CRY2: variants seen among roughly 807,000 people sequenced by gnomAD.
CRY2 encodes the protein cryptochrome-2.
A neutral mutation model predicts 69.5 loss-of-function variants in CRY2; 31 were observed. The observed-to-expected ratio is 0.45, with a 90% CI of 0.34 to 0.60. The LOEUF is 0.60. Ranked by LOEUF, CRY2 falls within the 20% of genes least tolerant of loss-of-function variation. The pLI, the probability that CRY2 is intolerant of heterozygous loss-of-function variation, is 0.02. For synonymous variants in CRY2, 303 were observed against 312.2 expected, an observed-to-expected ratio of 0.97 and a Z score of 0.31; for missense variants, 606 against 797.8, an observed-to-expected ratio of 0.76 and a Z score of 2.90.
chr11:45,871,535 G>A (rs754063061), intron 10 of CRY2, among the ~76,000 whole-genome samples: 2 of 152,224 alleles, frequency 1.3e-5, no homozygotes, highest in African/African-American at 2.4e-5. Context: ...ATTGGACAGT[G>A]TAGGCCGGAG....
upstream of CRY2, chr11:45,847,280 T>A (rs1232493129): frequency 4.5e-6 from 7 of 1,538,526 alleles, no homozygotes; most frequent in South Asian, 2.4e-5. Flanking sequence ...GACCCACACA[T>A]GGTAGGAACG....
Position 45,870,375 on chromosome 11 carries a change from T to C in CRY2, c.1392T>C (p.Tyr464=). ...AAGCGTTCCCCTCTCGATACATCTA[T>C]GAGCCCTGGAATGCCCCAGAGTCAA... is the stretch of plus-strand genomic sequence containing the variant. The part of the protein sequence containing the change: ...KLKAFPSRYI[Y]EPWNAPESIQ... Residue 464 remains tyrosine, a synonymous_variant, in exon 9 of 12, where the codon TAT becomes TAC. Transcript: ENST00000616080. 1 of 1,614,232 alleles carries C rather than the reference T, an allele frequency of 6.2e-7. No homozygotes were observed. Among genetic ancestry groups the C allele is most frequent in the Non-Finnish European group, 8.5e-7 (1 of 1,180,038 alleles).
chr11:45,880,713 TCAGAGGGG>T (rs942940965), intron 11 of CRY2, among the ~76,000 whole-genome samples, 193 bp from the exon 12 acceptor site: 4 of 152,154 alleles, frequency 2.6e-5, no homozygotes, highest in African/African-American at 9.7e-5. Flanking sequence ...CATCAGCACC[TCAGAGGGG>T]CAGTATTCCC....
chr11:45,878,824 C>T (rs564682968), intron 11 of CRY2, among the ~76,000 whole-genome samples: 1 of 146,216 alleles, frequency 6.8e-6, no homozygotes, highest in Non-Finnish European at 1.5e-5. Context: ...GAGGCCAAGG[C>T]AGGAGAATTG....
Position 45,858,873 on chromosome 11 carries a change from G to C in CRY2, c.467G>C (p.Arg156Thr). ...ENSHTLYDLD[R>T]IIELNGQKPP... ...TCTCATACCCTCTATGACCTGGACA[G>C]GTAAGAGATGGGGCCCAGGGATCAG... The change falls in exon 3 of 12, where the codon AGG (arginine) becomes ACG (threonine). Residue 156 changes from arginine (R) to threonine (T), a missense_variant and splice_region_variant. By Grantham distance (71) the Arg-to-Thr change is moderately conservative. Coordinates refer to ENST00000616080, the MANE Select transcript of CRY2 (RefSeq NM_021117.5). 6.2e-7 allele frequency: 1 copy of C among 1,612,462 alleles called. No individual in the cohort carries two copies. Among genetic ancestry groups the C allele is most frequent in the Non-Finnish European group, 8.5e-7 (1 of 1,179,376 alleles).
At chr11:45,870,664 A>G in intron 9 of CRY2, 132 bp downstream of exon 9, 2 of 1,210,690 alleles carry the variant, frequency 1.7e-6, no homozygotes, top group East Asian at 2.5e-5. Flanking sequence ...TTCGCTGGGT[A>G]TGGGACACTG....
chr11:45,870,533 G>C lies in CRY2; in HGVS notation c.1549+1G>C, dbSNP rs1220101215. On this transcript the variant is annotated splice_donor_variant, in intron 9 of 11. Transcript: ENST00000616080. LOFTEE classifies it high-confidence loss of function. Reference sequence around the variant, plus strand: ...CAGCTTTCGCGCTACCGGGGACTCTGTAAGGAGACAAACACCTAGCTCACT... The same window carrying C: ...CAGCTTTCGCGCTACCGGGGACTCTCTAAGGAGACAAACACCTAGCTCACT... 1 of 1,613,886 alleles carries C rather than the reference G, an allele frequency of 6.2e-7. No homozygotes were observed. The highest frequency in any genetic ancestry group is 1.1e-5 in the South Asian group (1 of 91,030).
chr11:45,868,295 AAC>A (rs2086347551), intron 6 of CRY2, among the ~76,000 whole-genome samples: 1 of 152,198 alleles, frequency 6.6e-6, no homozygotes, highest in South Asian at 2.1e-4. Context: ...GAGAGAGGGC[AAC>A]ACAGTCAGCA....
intron 4 of CRY2, 115 bp downstream of exon 4, chr11:45,861,147 A>C: frequency 8.3e-7 from 1 of 1,198,990 alleles, no homozygotes; most frequent in South Asian, 1.6e-5. Context: ...GGAAAACAAA[A>C]ATGGAAATGG....
intron 11 of CRY2, among the ~76,000 whole-genome samples, chr11:45,873,379 C>G (rs2134648449): frequency 6.6e-6 from 1 of 152,336 alleles, no homozygotes; most frequent in South Asian, 2.1e-4. Flanking sequence ...CTTTCCTGGG[C>G]TCTTTGACAT....
chr11:45,874,148 C>T (rs763126758), intron 11 of CRY2, among the ~76,000 whole-genome samples: 18 of 152,064 alleles, frequency 1.2e-4, no homozygotes, highest in Non-Finnish European at 1.3e-4. Context: ...GGCATGGTGA[C>T]GTATGCCTGT....
chr11:45,877,190 G>C (rs112670498), intron 11 of CRY2, among the ~76,000 whole-genome samples: 4,039 of 152,310 alleles, frequency 0.027, 71 homozygotes, highest in South Asian at 0.039. Flanking sequence ...ATTGAGCTCA[G>C]AGCTTCAGCT....
chr11:45,871,701 C>T (rs2086385013), intron 10 of CRY2, among the ~76,000 whole-genome samples: 1 of 152,236 alleles, frequency 6.6e-6, no homozygotes, highest in South Asian at 2.1e-4. Context: ...CTAGTTGGCC[C>T]AGCTAGGCTG....
chr11:45,852,692 A>C (rs1387853522), intron 1 of CRY2, among the ~76,000 whole-genome samples: 4 of 152,238 alleles, frequency 2.6e-5, no homozygotes. Context: ...ATGGATGCTC[A>C]AGAGAGAAAG....
intron 2 of CRY2, chr11:45,858,440 T>A (rs1182093116): frequency 9.4e-6 from 3 of 318,944 alleles, no homozygotes; most frequent in Non-Finnish European, 1.7e-5. Context: ...ATTTATGGCC[T>A]CCTGCTGCAT....
chr11:45,856,126 T>G, intron 2 of CRY2, 36 bp downstream of exon 2: 1 of 1,531,818 alleles, frequency 6.5e-7, no homozygotes, highest in Non-Finnish European at 9.0e-7. Context: ...ACAGTGAGAT[T>G]CTGTCCCTGA....
rs769757669 is a variant in CRY2 at position 45,860,818 on chromosome 11, G to A, written c.468-30G>A. 1.2e-5 allele frequency: 19 copies of A among 1,608,676 alleles called. No homozygotes were observed. The South Asian group carries it at 1.4e-4, about 12-fold the overall frequency. On this transcript the variant is annotated intron_variant, in intron 3 of 11. Transcript: ENST00000616080. ...GGACCCACATCACAGGGCCATGTGG[G>A]TAACACTAGCTATGCTTTGGGCTCC...
intron 11 of CRY2, among the ~76,000 whole-genome samples, chr11:45,873,335 A>G (rs2086401293): frequency 6.6e-6 from 1 of 152,170 alleles, no homozygotes; most frequent in Non-Finnish European, 1.5e-5. Context: ...TTGTGTGCTC[A>G]CTGAGATGGG....
At chr11:45,865,971 C>G (rs1324072502) in intron 5 of CRY2, among the ~76,000 whole-genome samples, 1 of 152,178 alleles carries the variant, frequency 6.6e-6, no homozygotes, top group Non-Finnish European at 1.5e-5. Flanking sequence ...GTTGTCCAGT[C>G]TAGATATGAC....
Sources: gnomAD v4.1 joint callset for allele counts (sites outside exome capture counted in the v4.1 genomes callset) on GRCh38, gnomAD v4.1.1 for gene constraint, MANE v1.5 for transcripts, NCBI Gene and HGNC (gene_info 2026-07-23, HGNC 2026-07-21) for gene names.